The following UGT1A3 variants were observed in gnomAD, a reference collection of about 807,000 sequenced individuals.
The protein encoded by UGT1A3 is UDP glucuronosyltransferase family 1 member A3.
In UGT1A3, 31 loss-of-function variants were observed where a neutral mutation model predicts 41.0. The observed-to-expected ratio is 0.76, with a 90% CI of 0.57 to 1.02. The LOEUF (loss-of-function observed/expected upper bound fraction) is 1.02, where lower values mean the gene tolerates loss of function less well. Ranked by LOEUF, UGT1A3 falls within the 50% of genes least tolerant of loss-of-function variation. UGT1A3 has a pLI of 0.00. For synonymous variants in UGT1A3, 262 were observed against 257.6 expected, an observed-to-expected ratio of 1.02 and a Z score of -0.17; for missense variants, 737 against 671.0, an observed-to-expected ratio of 1.10 and a Z score of -1.09.
chr2:233,772,615 T>C lies in UGT1A3; in HGVS notation c.*56T>C. ...AACCATTCCCTAGTCATTTCCAAAC[T>C]TGAAAACAGAATCAGTGTTAAATTC... On this transcript the variant is annotated 3_prime_UTR_variant, in exon 5 of 5. Coordinates refer to ENST00000482026, the MANE Select transcript of UGT1A3 (RefSeq NM_019093.4). 6.3e-7 allele frequency: 1 copy of C among 1,574,876 alleles called. No individual in the cohort carries two copies. The highest frequency in any genetic ancestry group is 8.6e-7 in the Non-Finnish European group (1 of 1,159,332).
At chr2:233,747,178 G>A (rs1378396151) in intron 1 of UGT1A3, 1 of 1,600,996 alleles carries the variant, frequency 6.2e-7, no homozygotes, top group African/African-American at 1.3e-5. Context: ...GGCACAGCGT[G>A]GGGTGGACAG....
chr2:233,737,052 A>T (rs1559381224), intron 1 of UGT1A3, among the ~76,000 whole-genome samples: 1 of 152,244 alleles, frequency 6.6e-6, no homozygotes, highest in Non-Finnish European at 1.5e-5. Flanking sequence ...CCATACTAGG[A>T]GAACGAGTGC....
chr2:233,760,446 G>A lies in UGT1A3; in HGVS notation c.868-6588G>A, dbSNP rs149071335. 6.1e-5 allele frequency: 98 copies of A among 1,614,210 alleles called. No homozygotes were observed. The African/African-American group carries it at 1.2e-3, about 20-fold the overall frequency. On this transcript the variant is annotated intron_variant, in intron 1 of 4. Coordinates refer to ENST00000482026, the MANE Select transcript of UGT1A3 (RefSeq NM_019093.4). ...GGGCCATCCAGCAGCTGCAGCAGAGGGGACATGAAATAGTTGTCCTAGCAC... is the reference window on the plus strand; with the variant it reads ...GGGCCATCCAGCAGCTGCAGCAGAGAGGACATGAAATAGTTGTCCTAGCAC...
intron 4 of UGT1A3, 33 bp downstream of exon 4, chr2:233,768,472 C>A: frequency 6.3e-7 from 1 of 1,596,838 alleles, no homozygotes; most frequent in South Asian, 1.1e-5. Flanking sequence ...ATACTTTGGT[C>A]ATGGCATTCA....
At position 233,729,661 on chromosome 2, in the gene UGT1A3, G is replaced by T; in HGVS notation, c.535G>T (p.Asp179Tyr). The part of the protein sequence containing the change: ...TVFFLRNIPC[D>Y]LDFKGTQCPN... The stretch of plus-strand genomic sequence containing the variant: ...GTTTTTTTTGAGGAACATTCCATGT[G>T]ATTTAGACTTTAAGGGCACACAGTG... Residue 179 changes from aspartate to tyrosine, a missense_variant, in exon 1 of 5, where the codon GAT becomes TAT. By Grantham distance (160) the Asp-to-Tyr change is radical (BLOSUM62 -3). Coordinates refer to ENST00000482026, the MANE Select transcript of UGT1A3 (RefSeq NM_019093.4). The T allele has an allele frequency of 6.2e-7, 1 of 1,613,902 alleles. No homozygotes were observed. Among genetic ancestry groups the T allele is most frequent in the Non-Finnish European group, 8.5e-7 (1 of 1,179,866 alleles).
intron 1 of UGT1A3, among the ~76,000 whole-genome samples, chr2:233,739,983 A>G (rs28900077): frequency 6.6e-6 from 1 of 151,864 alleles, no homozygotes; most frequent in Non-Finnish European, 1.5e-5. Context: ...AGTTTTCCCC[A>G]TGCTGTTCTT....
intron 1 of UGT1A3, among the ~76,000 whole-genome samples, chr2:233,751,139 G>A (rs1273905721): frequency 6.6e-6 from 1 of 151,986 alleles, no homozygotes; most frequent in East Asian, 1.9e-4. Context: ...TGAGACTGTG[G>A]GAGCCCACTT....
chr2:233,769,856 T>TAAA lies in UGT1A3; in HGVS notation c.1307+1417_1307+1418insAAA. ...CTGGGCAACAGAGTGAGACCCTGTCTCAAAAAAAAAAAAAAAAATGAAAAG... is the reference window on the plus strand; with the variant it reads ...CTGGGCAACAGAGTGAGACCCTGTCTAAACAAAAAAAAAAAAAAAAATGAAAAG... On this transcript the variant is annotated intron_variant, in intron 4 of 4. Transcript: ENST00000482026. This position sits in a 1 kb window ranked among gnomAD's most constrained non-coding sequence, Gnocchi z 4.4. 1 of 322,430 alleles carries TAAA rather than the reference T, an allele frequency of 3.1e-6. No individual in the cohort carries two copies. The highest frequency in any genetic ancestry group is 5.0e-6 in the Non-Finnish European group (1 of 199,342). 20.0% of individuals were successfully genotyped at this position (322,430 alleles called of 1,614,324 possible).
intron 1 of UGT1A3, among the ~76,000 whole-genome samples, chr2:233,751,403 T>G (rs1694718342): frequency 6.6e-6 from 1 of 152,162 alleles, no homozygotes; most frequent in Admixed American, 6.5e-5. Flanking sequence ...GACTTTGGAC[T>G]ATGGACTTTT....
Position 233,758,200 on chromosome 2 carries a change from T to C in UGT1A3, c.868-8834T>C, listed in dbSNP as rs184891359. Among the ~76,000 whole-genome samples the C allele has an allele frequency of 3.3e-4, 50 of 152,348 alleles. No homozygotes were observed. In the East Asian group the frequency reaches 9.2e-3, roughly 28 times the overall value. On this transcript the variant is annotated intron_variant, in intron 1 of 4. Coordinates refer to ENST00000482026, the MANE Select transcript of UGT1A3 (RefSeq NM_019093.4). ...AGATATTAATTGGATTGCTTAGTAGTGGTTCTCTGTTGTAATTCATGAGCA... is the reference window on the plus strand; with the variant it reads ...AGATATTAATTGGATTGCTTAGTAGCGGTTCTCTGTTGTAATTCATGAGCA...
chr2:233,760,575 G>C, intron 1 of UGT1A3: 1 of 1,614,226 alleles, frequency 6.2e-7, no homozygotes. Flanking sequence ...TTAGTCTCGG[G>C]CATAATGTTT....
At chr2:233,744,212 GTTGGGGAAAAGAGA>G (rs1383890849) in intron 1 of UGT1A3, among the ~76,000 whole-genome samples, 2 of 151,858 alleles carry the variant, frequency 1.3e-5, no homozygotes, top group Non-Finnish European at 2.9e-5. Flanking sequence ...GGAAAAAGAG[GTTGGGGAAAAGAGA>G]GGGCCTTGAC....
intron 1 of UGT1A3, among the ~76,000 whole-genome samples, chr2:233,731,010 G>A (rs17868337): frequency 0.016 from 2,364 of 152,256 alleles, 27 homozygotes; most frequent in Admixed American, 0.024. Flanking sequence ...CATGTACATC[G>A]TGAGAGAATC....
rs35915271 is a variant in UGT1A3 at position 233,764,965 on chromosome 2, A to T, written c.868-2069A>T. On this transcript the variant is annotated intron_variant, in intron 1 of 4. Coordinates refer to ENST00000482026, the MANE Select transcript of UGT1A3 (RefSeq NM_019093.4). ...GCGGGGAGAGAGGGCTCACCTTGGG[A>T]GAAGGATGGTCAGTGTCTGGGGCTT... Among the ~76,000 whole-genome samples the T allele has an allele frequency of 1.4e-3, 217 of 150,630 alleles. 1 individual carries two copies. The highest frequency in any genetic ancestry group is 5.0e-3 in the African/African-American group (206 of 40,976).
intron 1 of UGT1A3, among the ~76,000 whole-genome samples, chr2:233,739,348 G>C (rs1455435875): frequency 6.6e-6 from 1 of 152,152 alleles, no homozygotes. Context: ...GAACCCAGAA[G>C]GGCAGATCCA....
intron 1 of UGT1A3, chr2:233,760,329 C>A (rs765814343): frequency 8.7e-6 from 14 of 1,613,970 alleles, no homozygotes; most frequent in South Asian, 1.1e-5. Flanking sequence ...TTGTCCTGGG[C>A]CTGCTGCTGT....
chr2:233,753,853 A>G (rs1695329798), intron 1 of UGT1A3, among the ~76,000 whole-genome samples: 1 of 152,184 alleles, frequency 6.6e-6, no homozygotes, highest in Non-Finnish European at 1.5e-5. Flanking sequence ...TCATTGACCA[A>G]CCACATAACC....
chr2:233,760,680 G>A, intron 1 of UGT1A3: 1 of 1,614,136 alleles, frequency 6.2e-7, no homozygotes, highest in Non-Finnish European at 8.5e-7. Flanking sequence ...CCCACTTACT[G>A]CACAACAAGG....
chr2:233,768,054 A>T (rs1384127703), intron 3 of UGT1A3, 118 bp downstream of exon 3: 6 of 1,603,138 alleles, frequency 3.7e-6, no homozygotes, highest in Non-Finnish European at 5.1e-6. Context: ...CATATCCTAC[A>T]TTGCTTTTTA....
Sources: allele counts gnomAD v4.1 joint callset (sites outside exome capture counted in the v4.1 genomes callset), GRCh38; gene constraint gnomAD v4.1.1; non-coding constraint Gnocchi (gnomAD v3.1); transcripts MANE v1.5; gene names NCBI Gene and HGNC (gene_info 2026-07-23, HGNC 2026-07-21).